The following ATP11A variants were observed in gnomAD, a reference collection of about 807,000 sequenced individuals.
ATP11A encodes ATPase phospholipid transporting 11A, also known as phospholipid-transporting ATPase IH.
ATP11A carries 81 observed loss-of-function variants against 154.4 expected under a neutral mutation model. That is an observed-to-expected ratio of 0.52 (90% CI 0.44 to 0.63). The LOEUF is 0.63. Ranked by LOEUF, ATP11A falls within the 30% of genes least tolerant of loss-of-function variation. The pLI is 0.00. For synonymous variants in ATP11A, 623 were observed against 585.9 expected (o/e 1.06, Z -0.91); for missense variants, 1,316 against 1,474.3 (o/e 0.89, Z 1.76).
At chr13:112,873,155 G>T (rs1294227959) in intron 26 of ATP11A, among the ~76,000 whole-genome samples, 4 of 108,430 alleles carry the variant, frequency 3.7e-5, no homozygotes, top group Admixed American at 9.5e-5. Flanking sequence ...TTGTCTTCCT[G>T]AGTGGTGTGA....
At position 112,851,172 on chromosome 13, in the gene ATP11A, A is replaced by G. The variant is rs2079753765; in HGVS notation, c.1945A>G (p.Ile649Val). ...EKKLAEAYEQ[I>V]EKDLTLLGAT... ...AAAGTTAGCAGAAGCCTATGAGCAA[A>G]TAGAGAAAGATCTTACTCTGCTTGG... Residue 649 changes from isoleucine (I) to valine (V), a missense_variant, in exon 18 of 30, where the codon ATA becomes GTA. Around this residue, in one of 5 missense-constraint regions of ATP11A, gnomAD observed 876 missense variants for 1,006.8 expected, o/e 0.87. Coordinates refer to ENST00000375645, the MANE Select transcript of ATP11A (RefSeq NM_015205.3). The G allele has an allele frequency of 1.2e-6, 2 of 1,614,226 alleles. No homozygotes were observed. Among genetic ancestry groups the G allele is most frequent in the Admixed American group, 1.7e-5 (1 of 60,032 alleles).
intron 3 of ATP11A, 146 bp downstream of exon 3, chr13:112,805,192 G>GTTAC: frequency 1.9e-6 from 1 of 513,168 alleles, no homozygotes; most frequent in Non-Finnish European, 3.2e-6. Flanking sequence ...TCTTAAGGAA[G>GTTAC]GGCAAAATGT....
At chr13:112,844,705 T>C (rs1283232578) in intron 17 of ATP11A, among the ~76,000 whole-genome samples, 1 of 148,034 alleles carries the variant, frequency 6.8e-6, no homozygotes, top group Non-Finnish European at 1.5e-5. Context: ...GCACTAGCGG[T>C]ACTAGTTCAG....
At chr13:112,867,397 C>T (rs1556812) in intron 25 of ATP11A, among the ~76,000 whole-genome samples, 3 of 152,038 alleles carry the variant, frequency 2.0e-5, no homozygotes, top group East Asian at 1.9e-4. Context: ...TGAATGTGAA[C>T]GTGCCTCCCA....
chr13:112,834,170 G>C (rs2079170748), intron 14 of ATP11A, among the ~76,000 whole-genome samples: 1 of 152,246 alleles, frequency 6.6e-6, no homozygotes, highest in Non-Finnish European at 1.5e-5. Flanking sequence ...AGTGACTCAA[G>C]GGCCTTGGTG....
chr13:112,857,320 G>A (rs778454098), intron 20 of ATP11A, among the ~76,000 whole-genome samples: 3 of 152,112 alleles, frequency 2.0e-5, no homozygotes, highest in Non-Finnish European at 2.9e-5. Flanking sequence ...GATTTTGCAC[G>A]TTACAAATTT....
rs1892093257 is a variant in ATP11A at position 112,746,048 on chromosome 13, TTG to T, written c.40-39081_40-39080del. 1 of 151,796 alleles carries T rather than the reference TTG, an allele frequency of 6.6e-6. No homozygotes were observed. Among genetic ancestry groups the T allele is most frequent in the Admixed American group, 6.6e-5 (1 of 15,240 alleles). 9.4% of individuals were successfully genotyped at this position (151,796 alleles called of 1,614,324 possible). Reference sequence around the variant, plus strand: ...CGTTTTGTGGCGGAATCACGTTCTGTTGTGTGTATACACCACGTTTTTCTTGT... The same window carrying T: ...CGTTTTGTGGCGGAATCACGTTCTGTTGTGTATACACCACGTTTTTCTTGT... On this transcript the variant is annotated intron_variant, in intron 1 of 29. Transcript: ENST00000375645. This position sits in a 1 kb window ranked among gnomAD's most constrained non-coding sequence, Gnocchi z 4.1.
intron 18 of ATP11A, among the ~76,000 whole-genome samples, chr13:112,852,787 G>A (rs1336413727): frequency 6.9e-6 from 1 of 145,130 alleles, no homozygotes; most frequent in Non-Finnish European, 1.5e-5. Flanking sequence ...CTGGTTGGCG[G>A]GGGGGGATCT....
chr13:112,755,817 TTCCCGTCACGG>T (rs2139840512), intron 1 of ATP11A, among the ~76,000 whole-genome samples: 3 of 119,072 alleles, frequency 2.5e-5, no homozygotes, highest in African/African-American at 1.2e-4. Context: ...CCAGAACCAT[TTCCCGTCACGG>T]AAGCGGCACT....
At chr13:112,806,881 G>A (rs1182914163) in intron 4 of ATP11A, among the ~76,000 whole-genome samples, 2 of 152,090 alleles carry the variant, frequency 1.3e-5, no homozygotes, top group African/African-American at 4.8e-5. Context: ...TCGTACTCAC[G>A]GCTCATAGGC....
At chr13:112,876,616 T>C (rs1594256422) in intron 28 of ATP11A, among the ~76,000 whole-genome samples, 1 of 152,190 alleles carries the variant, frequency 6.6e-6, no homozygotes, top group South Asian at 2.1e-4. Flanking sequence ...CTATTAACAA[T>C]GCAAGTTTTC....
At chr13:112,699,921 T>C (rs866342644) in intron 1 of ATP11A, among the ~76,000 whole-genome samples, 1 of 152,314 alleles carries the variant, frequency 6.6e-6, no homozygotes, top group Middle Eastern at 3.4e-3. Context: ...AAAATAACCT[T>C]GTAATTTCAT....
chr13:112,760,977 A>G (rs1359620953), intron 1 of ATP11A, among the ~76,000 whole-genome samples: 2 of 152,212 alleles, frequency 1.3e-5, no homozygotes, highest in Admixed American at 1.3e-4. Context: ...ATTAACAGGA[A>G]AATTCCAGAA....
At position 112,831,483 on chromosome 13, in the gene ATP11A, G is replaced by T; in HGVS notation, c.1330G>T (p.Gly444Trp). The T allele has an allele frequency of 6.2e-7, 1 of 1,614,176 alleles. No individual in the cohort carries two copies. Among genetic ancestry groups the T allele is most frequent in the Non-Finnish European group, 8.5e-7 (1 of 1,180,026 alleles). ...CTACGTGCCCCACGTCATCTGCAAC[G>T]GGCAGGTCCTCCCAGAGTCGTCAGG... ...HVYVPHVICN[G>W]QVLPESSGID... Residue 444 changes from glycine to tryptophan, a missense_variant, in exon 13 of 30, where the codon GGG becomes TGG. By Grantham distance (184) the Gly-to-Trp change is radical (BLOSUM62 -2). Transcript: ENST00000375645.
At chr13:112,708,383 C>T (rs1219532433) in intron 1 of ATP11A, among the ~76,000 whole-genome samples, 1 of 152,046 alleles carries the variant, frequency 6.6e-6, no homozygotes, top group Non-Finnish European at 1.5e-5. Flanking sequence ...ACCTTTGTAC[C>T]AACCTAAGTC....
At chr13:112,787,648 T>C (rs638457) in intron 2 of ATP11A, among the ~76,000 whole-genome samples, 2,337 of 43,774 alleles carry the variant, frequency 0.053, 7 homozygotes, top group African/African-American at 0.15. Context: ...TGTCCTGATG[T>C]GTAGACCCCT....
intron 24 of ATP11A, among the ~76,000 whole-genome samples, chr13:112,862,024 G>A (rs535194856): frequency 3.2e-5 from 3 of 93,330 alleles, no homozygotes; most frequent in East Asian, 3.2e-4. Flanking sequence ...GGCGTAAGGC[G>A]TCACGTCAGG....
rs920724668 is a variant in ATP11A at position 112,696,229 on chromosome 13, A to G, written c.39+5774A>G. Among the ~76,000 whole-genome samples, 1 of 152,192 alleles carries G rather than the reference A, an allele frequency of 6.6e-6. No homozygotes were observed. Among genetic ancestry groups the G allele is most frequent in the Non-Finnish European group, 1.5e-5 (1 of 68,026 alleles). ...TGCACGGGGCGTCTTTGTTGCGCGCATGGACCTGCGGCTGCATCACCGTCC... is the reference window on the plus strand; with the variant it reads ...TGCACGGGGCGTCTTTGTTGCGCGCGTGGACCTGCGGCTGCATCACCGTCC... On this transcript the variant is annotated intron_variant, in intron 1 of 29. Coordinates refer to ENST00000375645, the MANE Select transcript of ATP11A (RefSeq NM_015205.3). This position sits in a 1 kb window ranked among gnomAD's most constrained non-coding sequence, Gnocchi z 6.2.
Position 112,831,485 on chromosome 13 carries a change from G to A in ATP11A, c.1332G>A (p.Gly444=), listed in dbSNP as rs776290407. Reference sequence around the variant, plus strand: ...ACGTGCCCCACGTCATCTGCAACGGGCAGGTCCTCCCAGAGTCGTCAGGAA... The same window carrying A: ...ACGTGCCCCACGTCATCTGCAACGGACAGGTCCTCCCAGAGTCGTCAGGAA... ...HVYVPHVICN[G]QVLPESSGID... Residue 444 remains glycine, a synonymous_variant, in exon 13 of 30, where the codon GGG becomes GGA. Transcript: ENST00000375645. 2.4e-5 allele frequency: 39 copies of A among 1,614,060 alleles called. No homozygotes were observed. In the Admixed American group the frequency reaches 6.5e-4, roughly 27 times the overall value.
Sources: allele counts gnomAD v4.1 joint callset (sites outside exome capture counted in the v4.1 genomes callset), GRCh38; gene constraint gnomAD v4.1.1; regional missense constraint gnomAD v4.1.1; non-coding constraint Gnocchi (gnomAD v3.1); transcripts MANE v1.5; gene names NCBI Gene and HGNC (gene_info 2026-07-23, HGNC 2026-07-21).